The following CLVS1 variants were observed in gnomAD, a reference collection of about 807,000 sequenced individuals.
CLVS1 encodes the protein clavesin 1, also known as clavesin-1.
Under a neutral mutation model 33.1 loss-of-function variants are expected in CLVS1, and 10 were observed. The ratio of observed to expected loss-of-function variants is 0.30; its 90% CI spans 0.19 to 0.51. The LOEUF is 0.51. CLVS1 is among the 20% of genes least tolerant of loss of function. The pLI is 0.97. For missense variants in CLVS1, 343 were observed against 433.4 expected (o/e 0.79, Z 1.85); for synonymous variants, 163 against 166.1 (o/e 0.98, Z 0.14).
chr8:61,206,510 A>G (rs1807844508), intron 2 of CLVS1, among the ~76,000 whole-genome samples: 1 of 152,148 alleles, frequency 6.6e-6, no homozygotes, highest in Non-Finnish European at 1.5e-5. Context: ...AGCCTTCCTT[A>G]ACTCTCTAAG....
At chr8:61,393,757 C>A (rs1201649818) in intron 3 of CLVS1, among the ~76,000 whole-genome samples, 1 of 152,132 alleles carries the variant, frequency 6.6e-6, no homozygotes. Context: ...GTGATGTGAT[C>A]CATTTTCAGG....
At chr8:61,213,292 G>T (rs763918207) in intron 2 of CLVS1, among the ~76,000 whole-genome samples, 1 of 45,566 alleles carries the variant, frequency 2.2e-5, no homozygotes, top group African/African-American at 2.6e-4. Flanking sequence ...CTCTTTGACT[G>T]CTGCTAATCT....
chr8:61,047,869 C>G, the CLVS1 span, among the ~76,000 whole-genome samples: 1 of 151,974 alleles, frequency 6.6e-6, no homozygotes, highest in Non-Finnish European at 1.5e-5. Context: ...GTGCAGCACA[C>G]CAGCATGGCA....
chr8:61,227,311 T>G (rs1168495868), intron 2 of CLVS1, among the ~76,000 whole-genome samples: 1 of 148,664 alleles, frequency 6.7e-6, no homozygotes, highest in Non-Finnish European at 1.5e-5. Flanking sequence ...TTTTTTTTAA[T>G]ATGTTGAGGT....
intron 2 of CLVS1, among the ~76,000 whole-genome samples, chr8:61,302,825 T>C (rs964141005): frequency 6.6e-6 from 1 of 152,184 alleles, no homozygotes; most frequent in Non-Finnish European, 1.5e-5. Flanking sequence ...CTCAGGAAAC[T>C]TATAATCATG....
chr8:61,391,134 G>T (rs1322759718), intron 3 of CLVS1: 3 of 152,168 alleles, frequency 2.0e-5, no homozygotes, highest in Non-Finnish European at 4.4e-5. Flanking sequence ...TTAGAAGATG[G>T]ATAAAATCAA....
intron 5 of CLVS1, among the ~76,000 whole-genome samples, chr8:61,499,172 CTTTA>C (rs1246736344): frequency 6.6e-6 from 1 of 151,738 alleles, no homozygotes; most frequent in Non-Finnish European, 1.5e-5. Context: ...TTTTGAGTGT[CTTTA>C]TTTCTTATTT....
At chr8:61,377,317 G>A (rs1020853536) in intron 3 of CLVS1, 1 of 152,186 alleles carries the variant, frequency 6.6e-6, no homozygotes, top group Admixed American at 6.5e-5. Flanking sequence ...CTACATGGAG[G>A]GTAGAATGGT....
At chr8:61,176,609 C>T (rs752325550) in intron 2 of CLVS1, among the ~76,000 whole-genome samples, 6 of 151,980 alleles carry the variant, frequency 3.9e-5, no homozygotes, top group Non-Finnish European at 5.9e-5. Context: ...AAAGAGTGTG[C>T]GAATCCTGCA....
chr8:61,402,263 TA>T (rs1814799666), intron 3 of CLVS1, among the ~76,000 whole-genome samples: 1 of 151,836 alleles, frequency 6.6e-6, no homozygotes, highest in African/African-American at 2.4e-5. Flanking sequence ...ATTGGCAAAT[TA>T]AAAGGCATGT....
rs1808450538 is a variant in CLVS1, at chr8:61,232,030, T to TG, written c.-151-67647_-151-67646insG. ...GCCCTGAGGAAAGTTGTGGTTTTTT[T>TG]TTTTTTTTTTTTTTTTTTTTGTGAG... On this transcript the variant is annotated intron_variant, in intron 2 of 2. Transcript: ENST00000522621. Among the ~76,000 whole-genome samples, 8 of 121,392 alleles carry TG rather than the reference T, an allele frequency of 6.6e-5. 2 individuals carry two copies. The highest frequency in any genetic ancestry group is 2.8e-4 in the African/African-American group (8 of 28,246). The allele number at this position is 121,392 out of a possible 152,430, so 79.6% of individuals were successfully genotyped here.
rs187448988 is a variant in CLVS1, at chr8:61,445,878, T to G, written c.631-8263T>G. Among the ~76,000 whole-genome samples, 204 of 152,354 alleles carry G rather than the reference T, an allele frequency of 1.3e-3. 2 individuals are homozygous for G. Among genetic ancestry groups the G allele is most frequent in the East Asian group, 0.01 (54 of 5,186 alleles). On this transcript the variant is annotated intron_variant, in intron 3 of 5. Coordinates refer to ENST00000325897, the MANE Select transcript of CLVS1 (RefSeq NM_173519.3). ...GGGCTATTCAAATTACCTTTCATAT[T>G]GGAGAAGTAGTTTATATTTTATGAG...
chr8:61,448,492 C>T (rs1476183427), intron 3 of CLVS1, among the ~76,000 whole-genome samples: 1 of 151,914 alleles, frequency 6.6e-6, no homozygotes, highest in Admixed American at 6.6e-5. Flanking sequence ...TCTTTCAGTT[C>T]ACTGATTCTT....
At chr8:60,978,669 G>C in the CLVS1 span, among the ~76,000 whole-genome samples, 3 of 151,816 alleles carry the variant, frequency 2.0e-5, no homozygotes, top group African/African-American at 4.8e-5. Flanking sequence ...GCAAAAATTA[G>C]CCAGGGGTGA....
chr8:61,224,667 G>C (rs778058503), intron 2 of CLVS1, among the ~76,000 whole-genome samples: 1 of 152,150 alleles, frequency 6.6e-6, no homozygotes, highest in African/African-American at 2.4e-5. Context: ...TAGGGAGCAG[G>C]ACCCATTTAA....
At position 61,186,568 on chromosome 8, in the gene CLVS1, C is replaced by A. The variant is rs557405651; in HGVS notation, c.-152+54708C>A. 2.6e-5 allele frequency among the ~76,000 whole-genome samples: 4 copies of A among 152,088 alleles called. No homozygotes were observed. In the East Asian group the frequency reaches 5.8e-4, roughly 22 times the overall value. On this transcript the variant is annotated intron_variant, in intron 2 of 2. Coordinates refer to the CLVS1 transcript ENST00000522621. The stretch of plus-strand genomic sequence containing the variant: ...AAACTGCCTTTCCTCCCATGACCCA[C>A]CCTTGTGGTTTTGCTAGGTGGAAAG...
chr8:60,975,067 G>A, the CLVS1 span, among the ~76,000 whole-genome samples: 24 of 152,120 alleles, frequency 1.6e-4, no homozygotes, highest in Non-Finnish European at 2.6e-4. Flanking sequence ...ATAGGGTAAT[G>A]GGTGCATATC....
chr8:61,448,964 A>AT (rs1816856757), intron 3 of CLVS1, among the ~76,000 whole-genome samples: 1 of 151,416 alleles, frequency 6.6e-6, no homozygotes, highest in Non-Finnish European at 1.5e-5. Flanking sequence ...ATAAAGAGTG[A>AT]TTTTTTAAAA....
chr8:61,230,898 G>T (rs1348022310), intron 2 of CLVS1, among the ~76,000 whole-genome samples: 1 of 152,164 alleles, frequency 6.6e-6, no homozygotes, highest in Non-Finnish European at 1.5e-5. Flanking sequence ...TTTGATGTGT[G>T]CTCACATAGT....
Sources: gnomAD v4.1 joint callset for allele counts (sites outside exome capture counted in the v4.1 genomes callset) on GRCh38, gnomAD v4.1.1 for gene constraint, MANE v1.5 for transcripts, NCBI Gene and HGNC (gene_info 2026-07-23, HGNC 2026-07-21) for gene names.